Variants in SORCS1 observed in about 807,000 individuals in gnomAD.
The protein encoded by SORCS1 is VPS10 domain-containing receptor SorCS1.
SORCS1 carries 60 observed loss-of-function variants against 146.1 expected under a neutral mutation model. That is an observed-to-expected ratio of 0.41 (90% CI 0.33 to 0.51). The LOEUF (loss-of-function observed/expected upper bound fraction) is 0.51. Ranked by LOEUF, SORCS1 falls within the 20% of genes least tolerant of loss-of-function variation. The pLI is 0.21. For synonymous variants in SORCS1, 637 were observed against 584.0 expected (o/e 1.09, Z -1.31); for missense variants, 1,352 against 1,487.6 (o/e 0.91, Z 1.50).
chr10:106,721,283 A>T (rs1055578218), intron 6 of SORCS1, among the ~76,000 whole-genome samples: 1 of 152,148 alleles, frequency 6.6e-6, no homozygotes, highest in Non-Finnish European at 1.5e-5. Context: ...TGACTAAAAA[A>T]AAGATAAAGG....
intron 2 of SORCS1, among the ~76,000 whole-genome samples, chr10:106,872,200 A>T (rs1439872850): frequency 6.6e-6 from 1 of 152,254 alleles, no homozygotes; most frequent in Non-Finnish European, 1.5e-5. Flanking sequence ...TAGCATAGCC[A>T]AAGAAGGCCT....
upstream of SORCS1, among the ~76,000 whole-genome samples, chr10:107,165,520 A>C (rs975533139): frequency 1.1e-4 from 17 of 152,120 alleles, no homozygotes; most frequent in African/African-American, 3.9e-4. This position sits in a 1 kb window ranked among gnomAD's most constrained non-coding sequence, Gnocchi z 4.0. Flanking sequence ...AGGAAGATCA[A>C]ATTTCGAGCA....
intron 3 of SORCS1, among the ~76,000 whole-genome samples, chr10:106,811,144 C>T (rs1341077061): frequency 1.3e-5 from 2 of 151,810 alleles, no homozygotes; most frequent in African/African-American, 2.4e-5. Context: ...TTCACCATCT[C>T]GGCCAGGCTG....
chr10:107,041,649 T>C (rs1564962522), intron 1 of SORCS1, among the ~76,000 whole-genome samples: 1 of 152,136 alleles, frequency 6.6e-6, no homozygotes, highest in Admixed American at 6.5e-5. Flanking sequence ...TTTGTTCCTA[T>C]ATTCAACAGA....
chr10:106,780,922 G>T (rs1407132771), intron 3 of SORCS1, among the ~76,000 whole-genome samples: 1 of 151,544 alleles, frequency 6.6e-6, no homozygotes, highest in African/African-American at 2.4e-5. Flanking sequence ...GCTTTTCCTA[G>T]AGTAGACAAA....
intron 1 of SORCS1, among the ~76,000 whole-genome samples, chr10:107,039,042 G>T (rs539073093): frequency 1.3e-5 from 2 of 152,180 alleles, no homozygotes; most frequent in South Asian, 4.1e-4. Flanking sequence ...GACTTTCTTT[G>T]TAAACAAAAA....
intron 1 of SORCS1, among the ~76,000 whole-genome samples, chr10:107,002,160 A>T: frequency 6.6e-6 from 1 of 152,224 alleles, no homozygotes; most frequent in Non-Finnish European, 1.5e-5. Context: ...CAGGCCCAGG[A>T]GCATCACCAC....
At chr10:106,865,702 C>T (rs982667310) in intron 2 of SORCS1, among the ~76,000 whole-genome samples, 2 of 147,350 alleles carry the variant, frequency 1.4e-5, no homozygotes, top group African/African-American at 5.1e-5. Flanking sequence ...CCAGCCTGGG[C>T]GAGAGAGCAA....
At chr10:106,642,708 T>C (rs1849154513) in intron 18 of SORCS1, among the ~76,000 whole-genome samples, 1 of 151,462 alleles carries the variant, frequency 6.6e-6, no homozygotes, top group South Asian at 2.1e-4. Flanking sequence ...ATATCCTATG[T>C]TTTTGCAATA....
At chr10:106,905,308 T>C (rs1020223496) in intron 2 of SORCS1, among the ~76,000 whole-genome samples, 2 of 152,164 alleles carry the variant, frequency 1.3e-5, no homozygotes, top group Admixed American at 1.3e-4. Flanking sequence ...AAAAGATAAA[T>C]GCACAATCTT....
chr10:106,585,055 C>A (rs1167944671), intron 24 of SORCS1, among the ~76,000 whole-genome samples: 1 of 151,082 alleles, frequency 6.6e-6, no homozygotes, highest in Non-Finnish European at 1.5e-5. Context: ...GAAAAAAAAA[C>A]ATGTATAGTC....
intron 1 of SORCS1, among the ~76,000 whole-genome samples, chr10:107,077,550 T>C (rs1033706587): frequency 6.6e-6 from 1 of 151,406 alleles, no homozygotes; most frequent in Non-Finnish European, 1.5e-5. Flanking sequence ...TAATTGGTGA[T>C]GTTTATTTAA....
At chr10:106,942,342 C>T (rs572084310) in intron 2 of SORCS1, among the ~76,000 whole-genome samples, 1 of 152,294 alleles carries the variant, frequency 6.6e-6, no homozygotes, top group East Asian at 1.9e-4. Flanking sequence ...GACCTCTTAT[C>T]TACCACTCAA....
chr10:107,008,938 A>C (rs1347359083), intron 1 of SORCS1, among the ~76,000 whole-genome samples: 3 of 152,238 alleles, frequency 2.0e-5, no homozygotes, highest in Non-Finnish European at 4.4e-5. Flanking sequence ...TGGAGGCTGC[A>C]GTGAGCCAAG....
intron 4 of SORCS1, among the ~76,000 whole-genome samples, chr10:106,770,307 C>T (rs1238659555): frequency 6.6e-6 from 1 of 152,090 alleles, no homozygotes; most frequent in Non-Finnish European, 1.5e-5. Context: ...AGCAAGTTTT[C>T]CACATGTTCT....
At chr10:106,788,688 C>T (rs1480151840) in intron 3 of SORCS1, among the ~76,000 whole-genome samples, 1 of 152,214 alleles carries the variant, frequency 6.6e-6, no homozygotes, top group African/African-American at 2.4e-5. Context: ...AGCTCTCCCC[C>T]TGTGGCTTTG....
rs190925202 is a variant in SORCS1, at chr10:106,920,415, C to T, written c.626+36098G>A. Among the ~76,000 whole-genome samples, 323 of 152,214 alleles carry T rather than the reference C, an allele frequency of 2.1e-3. 6 individuals are homozygous for T. Among genetic ancestry groups the T allele is most frequent in the African/African-American group, 7.3e-3 (303 of 41,526 alleles). ...AGTCCCAGAGTCACTTTAAATCACACGCATGGTCTTAATTTCTGTAAATAA... is the reference window on the plus strand; with the variant it reads ...AGTCCCAGAGTCACTTTAAATCACATGCATGGTCTTAATTTCTGTAAATAA... On this transcript the variant is annotated intron_variant, in intron 2 of 25. Transcript: ENST00000263054.
chr10:107,172,883 T>C, the SORCS1 span, among the ~76,000 whole-genome samples: 8 of 152,316 alleles, frequency 5.3e-5, no homozygotes, highest in South Asian at 1.0e-3. Context: ...CTGAAGTTAG[T>C]TTAAAGAGAA....
intron 3 of SORCS1, among the ~76,000 whole-genome samples, chr10:106,821,944 G>T (rs2136928122): frequency 6.6e-6 from 1 of 150,928 alleles, no homozygotes; most frequent in African/African-American, 2.4e-5. Context: ...AAAAAAAAAA[G>T]TACTTAATGC....
Sources: gnomAD v4.1 joint callset for allele counts (sites outside exome capture counted in the v4.1 genomes callset) on GRCh38, gnomAD v4.1.1 for gene constraint, Gnocchi (gnomAD v3.1) non-coding constraint, MANE v1.5 for transcripts, NCBI Gene and HGNC (gene_info 2026-07-23, HGNC 2026-07-21) for gene names.